ULK4: variants seen among roughly 807,000 people sequenced by gnomAD.
ULK4 encodes the protein unc-51 like kinase 4.
Under a neutral mutation model 160.6 loss-of-function variants are expected in ULK4, and 133 were observed. The observed-to-expected ratio is 0.83, with a 90% CI of 0.72 to 0.96. ULK4 has a LOEUF of 0.96. Ranked by LOEUF, ULK4 falls within the 40% of genes least tolerant of loss-of-function variation. The pLI, the probability that ULK4 is intolerant of heterozygous loss-of-function variation, is 0.00. For missense variants in ULK4, 1,580 were observed against 1,499.5 expected (o/e 1.05, Z -0.89); for synonymous variants, 534 against 539.8 (o/e 0.99, Z 0.15).
At chr3:41,730,812 C>A (rs544671075) in intron 22 of ULK4, among the ~76,000 whole-genome samples, 4 of 152,248 alleles carry the variant, frequency 2.6e-5, no homozygotes, top group African/African-American at 9.6e-5. Flanking sequence ...AGGCCAATAT[C>A]CTTGATGAAA....
At chr3:41,818,182 T>C (rs1349934032) in intron 19 of ULK4, among the ~76,000 whole-genome samples, 2 of 150,544 alleles carry the variant, frequency 1.3e-5, no homozygotes, top group Non-Finnish European at 2.9e-5. Flanking sequence ...CTGCTGGGTA[T>C]ATATGCTAAA....
intron 27 of ULK4, among the ~76,000 whole-genome samples, chr3:41,702,528 T>C (rs1472264233): frequency 6.6e-6 from 1 of 152,214 alleles, no homozygotes; most frequent in East Asian, 1.9e-4. Context: ...AGGAAAAGAA[T>C]GAAAAAACAT....
intron 4 of ULK4, 119 bp downstream of exon 4, chr3:41,935,682 T>A: frequency 8.1e-7 from 1 of 1,237,874 alleles, no homozygotes; most frequent in Non-Finnish European, 1.1e-6. Flanking sequence ...TAAAAAAAGA[T>A]TAACTAAAAT....
chr3:41,666,300 G>A (rs2035348912), intron 29 of ULK4, among the ~76,000 whole-genome samples: 1 of 152,176 alleles, frequency 6.6e-6, no homozygotes, highest in Admixed American at 6.5e-5. Context: ...ATCAGGCATG[G>A]CTCAAGGTCT....
rs563264253 is a variant in ULK4, at chr3:41,942,980, G to A, written c.139-4783C>T. ...TGTAATCCCAGCACTTTGGGAGGCCGAGGCGGGTGGATCACGAGGTAAGGA... is the reference window on the plus strand; with the variant it reads ...TGTAATCCCAGCACTTTGGGAGGCCAAGGCGGGTGGATCACGAGGTAAGGA... On this transcript the variant is annotated intron_variant, in intron 2 of 36. Coordinates refer to ENST00000301831, the MANE Select transcript of ULK4 (RefSeq NM_017886.4). 4.7e-4 allele frequency among the ~76,000 whole-genome samples: 72 copies of A among 152,164 alleles called. No homozygotes were observed. The East Asian group carries it at 8.9e-3, about 19-fold the overall frequency.
intron 32 of ULK4, among the ~76,000 whole-genome samples, chr3:41,468,713 T>C (rs530212805): frequency 4.6e-5 from 7 of 152,300 alleles, no homozygotes; most frequent in South Asian, 2.1e-4. Flanking sequence ...GAGGTTAGCA[T>C]AGTGCCACAA....
intron 35 of ULK4, among the ~76,000 whole-genome samples, chr3:41,384,575 T>C (rs1283192260): frequency 6.6e-6 from 1 of 152,102 alleles, no homozygotes; most frequent in Non-Finnish European, 1.5e-5. Context: ...GTATGGCTTG[T>C]AGAGTCTGTC....
At position 41,918,519 on chromosome 3, in the gene ULK4, T is replaced by C. The variant is rs1263020636; in HGVS notation, c.665A>G (p.Glu222Gly). The change falls in exon 7 of 37, where the codon GAA becomes GGA. Residue 222 changes from glutamate to glycine, a missense_variant. Glu to Gly is a moderately conservative substitution (Grantham distance 98). Coordinates refer to ENST00000301831, the MANE Select transcript of ULK4 (RefSeq NM_017886.4). ...CTTTTCAGTTAATTCTGAAATACTT[T>C]CTGAGAAGAATGGAGGTTTTCCTGA... ...MFSGKPPFFS[E>G]SISELTEKIL... 1.9e-6 allele frequency: 3 copies of C among 1,580,986 alleles called. No individual in the cohort carries two copies. Among genetic ancestry groups the C allele is most frequent in the Middle Eastern group, 3.4e-4 (2 of 5,964 alleles).
intron 35 of ULK4, among the ~76,000 whole-genome samples, chr3:41,365,890 T>C (rs1343485191): frequency 4.6e-5 from 7 of 152,204 alleles, no homozygotes; most frequent in Non-Finnish European, 1.0e-4. Flanking sequence ...ATTTTCTTGA[T>C]TAAAGACATA....
At chr3:41,580,721 T>G (rs983837470) in intron 31 of ULK4, among the ~76,000 whole-genome samples, 1 of 152,154 alleles carries the variant, frequency 6.6e-6, no homozygotes, top group Middle Eastern at 3.2e-3. Flanking sequence ...GGTGCACAGC[T>G]GGGAGCCCGA....
At chr3:41,801,634 G>A (rs1313895788) in intron 19 of ULK4, among the ~76,000 whole-genome samples, 1 of 152,004 alleles carries the variant, frequency 6.6e-6, no homozygotes, top group African/African-American at 2.4e-5. Flanking sequence ...AGAATCAGTT[G>A]AGGCCAGGAG....
At chr3:41,387,972 T>C (rs1363027820) in intron 35 of ULK4, among the ~76,000 whole-genome samples, 1 of 152,258 alleles carries the variant, frequency 6.6e-6, no homozygotes, top group East Asian at 1.9e-4. Context: ...ATGGTTGAAC[T>C]AGTTTACAGT....
intron 30 of ULK4, among the ~76,000 whole-genome samples, chr3:41,622,864 A>T (rs1160246389): frequency 6.6e-6 from 1 of 152,230 alleles, no homozygotes; most frequent in Non-Finnish European, 1.5e-5. Context: ...CAAATATTTC[A>T]GGCTTTGCAG....
intron 30 of ULK4, among the ~76,000 whole-genome samples, chr3:41,621,784 A>G (rs2033254688): frequency 6.6e-6 from 1 of 152,216 alleles, no homozygotes; most frequent in South Asian, 2.1e-4. Context: ...CAAACTAAAG[A>G]GCTCTGCAAA....
At chr3:41,284,981 T>C (rs999045774) in intron 35 of ULK4, among the ~76,000 whole-genome samples, 3 of 151,760 alleles carry the variant, frequency 2.0e-5, no homozygotes, top group African/African-American at 4.8e-5. Flanking sequence ...CCAACAAACA[T>C]GAAAAAAATG....
chr3:41,500,016 C>T (rs960502537), intron 32 of ULK4, among the ~76,000 whole-genome samples: 18 of 152,098 alleles, frequency 1.2e-4, no homozygotes, highest in Middle Eastern at 3.4e-3. Context: ...CTGCTCTAGT[C>T]GTATTATTTT....
intron 34 of ULK4, among the ~76,000 whole-genome samples, chr3:41,443,697 G>GTA (rs1024169240): frequency 6.6e-6 from 1 of 151,660 alleles, no homozygotes; most frequent in Non-Finnish European, 1.5e-5. Flanking sequence ...TCTGCTCTTT[G>GTA]TATATATATC....
intron 21 of ULK4, among the ~76,000 whole-genome samples, chr3:41,781,959 A>G (rs1473445293): frequency 6.6e-6 from 1 of 152,152 alleles, no homozygotes; most frequent in African/African-American, 2.4e-5. Context: ...ACAAACATAC[A>G]AACAAAATTT....
intron 35 of ULK4, among the ~76,000 whole-genome samples, chr3:41,271,423 ACT>A (rs1174750567): frequency 7.1e-6 from 1 of 141,472 alleles, no homozygotes; most frequent in Non-Finnish European, 1.5e-5. Context: ...ACAAAGTTTC[ACT>A]CTGTTGCCCA....
Sources: allele counts gnomAD v4.1 joint callset (sites outside exome capture counted in the v4.1 genomes callset), GRCh38; gene constraint gnomAD v4.1.1; transcripts MANE v1.5; gene names NCBI Gene and HGNC (gene_info 2026-07-23, HGNC 2026-07-21).